ZCCHC17: variants seen among roughly 807,000 people sequenced by gnomAD.
ZCCHC17 encodes zinc finger CCHC domain-containing protein 17.
A neutral mutation model predicts 30.6 loss-of-function variants in ZCCHC17; 18 were observed. The observed-to-expected ratio is 0.59, with a 90% confidence interval of 0.41 to 0.87. The LOEUF is 0.87. Among genes scored for constraint, ZCCHC17 ranks in the 40% least tolerant of loss-of-function variants. The pLI is 0.00. For synonymous variants in ZCCHC17, 88 were observed against 92.4 expected, an observed-to-expected ratio of 0.95 and a Z score of 0.27; for missense variants, 263 against 284.2, an observed-to-expected ratio of 0.93 and a Z score of 0.54.
intron 1 of ZCCHC17, 122 bp downstream of exon 1, chr1:31,297,197 C>G (rs1312189647): frequency 2.5e-6 from 1 of 400,864 alleles, no homozygotes; most frequent in African/African-American, 2.1e-5. Context: ...GAGGCGGGCC[C>G]CGAGTCCCCA....
At chr1:31,304,727 C>G (rs1206478325) in intron 1 of ZCCHC17, among the ~76,000 whole-genome samples, 1 of 152,054 alleles carries the variant, frequency 6.6e-6, no homozygotes, top group Non-Finnish European at 1.5e-5. Flanking sequence ...TGCCGAGTAG[C>G]TGGGATTACA....
At chr1:31,314,270 TCTAA>T (rs749772067) in intron 2 of ZCCHC17, among the ~76,000 whole-genome samples, 2 of 152,176 alleles carry the variant, frequency 1.3e-5, no homozygotes, top group African/African-American at 2.4e-5. Flanking sequence ...ACTTTATAGT[TCTAA>T]CTTACTATTT....
chr1:31,337,398 T>C (rs1298691575), intron 4 of ZCCHC17, 123 bp downstream of exon 4: 20 of 831,508 alleles, frequency 2.4e-5, no homozygotes, highest in Non-Finnish European at 3.7e-5. Context: ...TTTTAAATCC[T>C]GCCATTAGAA....
At chr1:31,302,915 A>T (rs769807578) in intron 1 of ZCCHC17, among the ~76,000 whole-genome samples, 21 of 152,172 alleles carry the variant, frequency 1.4e-4, no homozygotes, top group Non-Finnish European at 2.2e-4. Flanking sequence ...TTCAAGATGA[A>T]ATTTGGGTGA....
At chr1:31,351,863 A>G (rs1219607326) in intron 7 of ZCCHC17, among the ~76,000 whole-genome samples, 2 of 152,132 alleles carry the variant, frequency 1.3e-5, no homozygotes, top group Non-Finnish European at 2.9e-5. Context: ...ATCCTGTCCT[A>G]TGGTTTTAAA....
intron 2 of ZCCHC17, among the ~76,000 whole-genome samples, chr1:31,311,014 G>A (rs1027132196): frequency 1.3e-5 from 2 of 152,180 alleles, no homozygotes; most frequent in African/African-American, 4.8e-5. Flanking sequence ...TGGGATCCCT[G>A]CTTCATCGTA....
chr1:31,339,470 T>G (rs1393219963), intron 5 of ZCCHC17, among the ~76,000 whole-genome samples: 3 of 152,158 alleles, frequency 2.0e-5, no homozygotes, highest in Non-Finnish European at 4.4e-5. Flanking sequence ...ATCATGCCAC[T>G]GCACTCCAGC....
chr1:31,362,499 T>C (rs1639945873), intron 7 of ZCCHC17, among the ~76,000 whole-genome samples: 1 of 152,212 alleles, frequency 6.6e-6, no homozygotes. Flanking sequence ...CTCTCGTCTT[T>C]TGTATGGGTT....
At chr1:31,351,481 G>A (rs899438029) in intron 7 of ZCCHC17, among the ~76,000 whole-genome samples, 1 of 151,712 alleles carries the variant, frequency 6.6e-6, no homozygotes, top group Non-Finnish European at 1.5e-5. Flanking sequence ...GGCTGGGCAT[G>A]GTGGCTCATG....
At chr1:31,305,921 G>C (rs1017294453) in intron 1 of ZCCHC17, among the ~76,000 whole-genome samples, 25 of 152,038 alleles carry the variant, frequency 1.6e-4, no homozygotes, top group African/African-American at 5.3e-4. Flanking sequence ...TTGTTCATGG[G>C]GGATACATTC....
At chr1:31,343,330 G>T (rs936124889) in intron 5 of ZCCHC17, among the ~76,000 whole-genome samples, 2 of 152,208 alleles carry the variant, frequency 1.3e-5, no homozygotes, top group African/African-American at 4.8e-5. Context: ...AAAGTGCTGG[G>T]ATTACAGGCG....
intron 3 of ZCCHC17, among the ~76,000 whole-genome samples, chr1:31,333,751 T>C (rs1355980834): frequency 6.6e-6 from 1 of 152,232 alleles, no homozygotes; most frequent in Admixed American, 6.5e-5. Flanking sequence ...TCACTGGTTA[T>C]ATGGAATCAG....
intron 7 of ZCCHC17, among the ~76,000 whole-genome samples, chr1:31,363,293 C>T (rs1250294554): frequency 4.0e-5 from 6 of 151,764 alleles, no homozygotes; most frequent in Admixed American, 3.9e-4. Context: ...ACACCATTCT[C>T]CTGTCTCAGC....
intron 5 of ZCCHC17, among the ~76,000 whole-genome samples, chr1:31,345,567 A>ATATATTATAATATATATATATAATATAAT (rs1394716349): frequency 2.0e-4 from 20 of 99,486 alleles, no homozygotes; most frequent in African/African-American, 7.6e-4. Context: ...TATATAATAT[A>ATATATTATAATATATATATATAATATAAT]ATATATATAT....
intron 2 of ZCCHC17, chr1:31,318,252 T>C: frequency 6.6e-7 from 1 of 1,512,962 alleles, no homozygotes; most frequent in Non-Finnish European, 8.9e-7. Context: ...TAAGATTATA[T>C]TGAATATTTT....
chr1:31,312,183 A>G (rs1426724978), intron 2 of ZCCHC17, among the ~76,000 whole-genome samples: 1 of 152,128 alleles, frequency 6.6e-6, no homozygotes, highest in African/African-American at 2.4e-5. Context: ...CCACTTTCCC[A>G]TCATCTTGTA....
chr1:31,313,871 CT>C (rs34717953), intron 2 of ZCCHC17, among the ~76,000 whole-genome samples: 20,774 of 146,136 alleles, frequency 0.14, 1,539 homozygotes, highest in African/African-American at 0.17. Context: ...TCTTCTTTCT[CT>C]TTTTTTTTTT....
intron 2 of ZCCHC17, among the ~76,000 whole-genome samples, chr1:31,313,337 G>T (rs976250338): frequency 5.3e-5 from 8 of 152,268 alleles, no homozygotes; most frequent in Non-Finnish European, 1.2e-4. Context: ...GCCTCCCAAA[G>T]TGCTGGGATC....
At chr1:31,335,096 T>C (rs1638762470) in intron 3 of ZCCHC17, among the ~76,000 whole-genome samples, 1 of 152,194 alleles carries the variant, frequency 6.6e-6, no homozygotes, top group African/African-American at 2.4e-5. Context: ...CTGCCCCTTG[T>C]CTCTTTCCTC....
Sources: allele counts gnomAD v4.1 joint callset (sites outside exome capture counted in the v4.1 genomes callset), GRCh38; gene constraint gnomAD v4.1.1; transcripts MANE v1.5; gene names NCBI Gene and HGNC (gene_info 2026-07-23, HGNC 2026-07-21).